The following CSMD1 variants were observed in gnomAD, a reference collection of about 807,000 sequenced individuals.
The protein encoded by CSMD1 is CUB and Sushi multiple domains 1.
Under a neutral mutation model 417.5 loss-of-function variants are expected in CSMD1, and 213 were observed. The observed-to-expected ratio is 0.51, with a 90% CI of 0.46 to 0.57. CSMD1 has a LOEUF of 0.57. Among genes scored for constraint, CSMD1 ranks in the 20% least tolerant of loss-of-function variants. The probability of loss-of-function intolerance (pLI) is 0.00; values close to 1 mark genes in which losing one functional copy is unlikely to be tolerated. For synonymous variants in CSMD1, 2,862 were observed against 1,736.8 expected, an observed-to-expected ratio of 1.65 and a Z score of -16.11; for missense variants, 6,923 against 4,529.7, an observed-to-expected ratio of 1.53 and a Z score of -15.17.
At chr8:3,382,730 T>G (rs1810716693) in intron 18 of CSMD1, among the ~76,000 whole-genome samples, 1 of 151,298 alleles carries the variant, frequency 6.6e-6, no homozygotes, top group Admixed American at 6.6e-5. Flanking sequence ...TCTCTTCCAG[T>G]AGCAGAGTAT....
At chr8:4,847,973 A>C (rs1270226896) in intron 1 of CSMD1, among the ~76,000 whole-genome samples, 1 of 152,048 alleles carries the variant, frequency 6.6e-6, no homozygotes, top group Non-Finnish European at 1.5e-5. Context: ...CAAGGCAAAC[A>C]CACACCACCC....
intron 3 of CSMD1, among the ~76,000 whole-genome samples, chr8:4,407,018 G>A (rs1185435549): frequency 6.6e-6 from 1 of 152,142 alleles, no homozygotes; most frequent in Non-Finnish European, 1.5e-5. Context: ...CATAGCTACG[G>A]GTCCCCTGTC....
chr8:3,347,040 G>A (rs533296699), intron 22 of CSMD1, among the ~76,000 whole-genome samples: 1 of 152,250 alleles, frequency 6.6e-6, no homozygotes, highest in African/African-American at 2.4e-5. Context: ...CTTGCGGCAC[G>A]CATAAAATGC....
At chr8:3,314,886 C>G in intron 23 of CSMD1, among the ~76,000 whole-genome samples, 1 of 152,222 alleles carries the variant, frequency 6.6e-6, no homozygotes, top group East Asian at 1.9e-4. Context: ...ATACATTAGG[C>G]TGAACAACGA....
At chr8:4,950,808 C>A (rs1484161633) in intron 1 of CSMD1, among the ~76,000 whole-genome samples, 1 of 152,028 alleles carries the variant, frequency 6.6e-6, no homozygotes, top group Non-Finnish European at 1.5e-5. Flanking sequence ...CACCACTCAA[C>A]CACTCTTGGT....
intron 2 of CSMD1, among the ~76,000 whole-genome samples, chr8:4,572,654 A>G (rs528471659): frequency 2.0e-5 from 3 of 152,212 alleles, no homozygotes; most frequent in Non-Finnish European, 4.4e-5. Flanking sequence ...CTGAATTTGA[A>G]TGTTGGCCTG....
intron 5 of CSMD1, among the ~76,000 whole-genome samples, chr8:3,942,689 T>C (rs529192241): frequency 7.6e-4 from 116 of 152,356 alleles, no homozygotes; most frequent in African/African-American, 2.7e-3. Context: ...TTTTCCCTAA[T>C]GCCCTTTTAA....
chr8:3,436,136 A>G (rs935055201), intron 12 of CSMD1, among the ~76,000 whole-genome samples: 18 of 151,892 alleles, frequency 1.2e-4, no homozygotes, highest in African/African-American at 3.9e-4. Context: ...ATTCCCCTAC[A>G]TTTTTCTTTA....
At chr8:3,192,460 T>C (rs1254975263) in intron 33 of CSMD1, among the ~76,000 whole-genome samples, 1 of 152,198 alleles carries the variant, frequency 6.6e-6, no homozygotes, top group East Asian at 1.9e-4. Context: ...GCTTTATCCT[T>C]GTTAAGATGA....
chr8:2,988,189 T>A (rs1237234199), intron 54 of CSMD1, among the ~76,000 whole-genome samples: 3 of 152,188 alleles, frequency 2.0e-5, no homozygotes, highest in African/African-American at 7.2e-5. Context: ...CCATAATGAT[T>A]CTTTAGTGAA....
chr8:4,603,777 T>C (rs1056842274), intron 2 of CSMD1, among the ~76,000 whole-genome samples: 2 of 152,152 alleles, frequency 1.3e-5, no homozygotes, highest in Admixed American at 6.5e-5. Flanking sequence ...CCGGAGAAGT[T>C]GGAATGAAAC....
chr8:3,905,697 G>T (rs1237960453), intron 5 of CSMD1, among the ~76,000 whole-genome samples: 1 of 152,152 alleles, frequency 6.6e-6, no homozygotes, highest in Non-Finnish European at 1.5e-5. Context: ...ACCACACTCA[G>T]TATCTCCTTA....
At chr8:4,643,539 A>C (rs937381202) in intron 1 of CSMD1, among the ~76,000 whole-genome samples, 1 of 152,140 alleles carries the variant, frequency 6.6e-6, no homozygotes, top group African/African-American at 2.4e-5. Flanking sequence ...AAAATAAAAT[A>C]ATATAAAATA....
intron 6 of CSMD1, among the ~76,000 whole-genome samples, chr8:3,727,650 G>T (rs1350071459): frequency 1.3e-5 from 2 of 152,168 alleles, no homozygotes; most frequent in African/African-American, 4.8e-5. Flanking sequence ...TGGGATTCAA[G>T]TAGATGTTTT....
intron 3 of CSMD1, among the ~76,000 whole-genome samples, chr8:4,199,649 A>T (rs570556248): frequency 2.6e-5 from 4 of 152,166 alleles, no homozygotes; most frequent in Admixed American, 6.5e-5. Flanking sequence ...ACTTCAACCC[A>T]AGCTCAGTGT....
intron 1 of CSMD1, among the ~76,000 whole-genome samples, chr8:4,827,935 C>G (rs535036157): frequency 6.6e-6 from 1 of 152,162 alleles, no homozygotes; most frequent in South Asian, 2.1e-4. Flanking sequence ...AATATTCATT[C>G]ATGAGTTTCA....
At chr8:3,772,849 C>G (rs1314112999) in intron 5 of CSMD1, among the ~76,000 whole-genome samples, 1 of 151,984 alleles carries the variant, frequency 6.6e-6, no homozygotes, top group East Asian at 1.9e-4. Context: ...ACCCCCTCCT[C>G]TGCACCACAT....
chr8:3,711,327 G>C (rs943742961), intron 6 of CSMD1, among the ~76,000 whole-genome samples: 1 of 152,140 alleles, frequency 6.6e-6, no homozygotes, highest in South Asian at 2.1e-4. Flanking sequence ...AAGACGAGGA[G>C]GTGGGCCACC....
chr8:3,894,494 G>C (rs1052428952), intron 5 of CSMD1, among the ~76,000 whole-genome samples: 4 of 152,040 alleles, frequency 2.6e-5, no homozygotes, highest in South Asian at 2.1e-4. Flanking sequence ...ACTACAAGTA[G>C]TTTTAACATT....
Sources: allele counts gnomAD v4.1 joint callset (sites outside exome capture counted in the v4.1 genomes callset), GRCh38; gene constraint gnomAD v4.1.1; transcripts MANE v1.5; gene names NCBI Gene and HGNC (gene_info 2026-07-23, HGNC 2026-07-21).